Variants in NBEA observed in about 807,000 individuals in gnomAD.
NBEA encodes the protein neurobeachin, also known as lysosomal-trafficking regulator 2.
A neutral mutation model predicts 343.4 loss-of-function variants in NBEA; 44 were observed. That is an observed-to-expected ratio of 0.13 (90% confidence interval 0.10 to 0.16). The LOEUF is 0.16. Among genes scored for constraint, NBEA ranks in the 10% least tolerant of loss-of-function variants. NBEA has a pLI of 1.00. For missense variants in NBEA, 2,555 were observed against 3,631.3 expected, an observed-to-expected ratio of 0.70 and a Z score of 7.62; for synonymous variants, 1,175 against 1,238.7, an observed-to-expected ratio of 0.95 and a Z score of 1.08.
chr13:35,157,887 T>G (rs1273251313), intron 21 of NBEA, among the ~76,000 whole-genome samples: 2 of 152,098 alleles, frequency 1.3e-5, no homozygotes, highest in East Asian at 3.8e-4. Flanking sequence ...TGGCTTTTAA[T>G]TTAGTCTGTG....
chr13:34,992,652 T>G (rs1243809923), intron 1 of NBEA, among the ~76,000 whole-genome samples: 1 of 151,598 alleles, frequency 6.6e-6, no homozygotes, highest in Non-Finnish European at 1.5e-5. Flanking sequence ...TTTTTTAAGG[T>G]AAAGGCTAGA....
intron 1 of NBEA, among the ~76,000 whole-genome samples, chr13:35,011,959 A>G (rs1044487809): frequency 2.6e-5 from 4 of 152,222 alleles, no homozygotes; most frequent in Non-Finnish European, 4.4e-5. Context: ...CTTGTCATTT[A>G]TATCTGTTTA....
chr13:35,520,554 G>T (rs1300501748), intron 41 of NBEA, among the ~76,000 whole-genome samples: 1 of 152,134 alleles, frequency 6.6e-6, no homozygotes, highest in Non-Finnish European at 1.5e-5. Context: ...AGTATCCAGG[G>T]TTACAGGAGC....
intron 6 of NBEA, among the ~76,000 whole-genome samples, chr13:35,050,726 A>T (rs116955462): frequency 0.011 from 1,669 of 152,012 alleles, 13 homozygotes; most frequent in Non-Finnish European, 0.018. Flanking sequence ...GCCTTTTTTT[A>T]AAAAAGTTAA....
chr13:35,353,272 C>T (rs926431106), intron 38 of NBEA, among the ~76,000 whole-genome samples: 6 of 152,112 alleles, frequency 3.9e-5, no homozygotes, highest in African/African-American at 1.4e-4. Context: ...TCCATCTCTA[C>T]TAAAACACAA....
rs865884570 is a variant in NBEA, at chr13:35,546,645, C to T, written c.6586-3832C>T. On this transcript the variant is annotated intron_variant, in intron 41 of 58. Coordinates refer to ENST00000379939, the MANE Select transcript of NBEA (RefSeq NM_001385012.1). ...TCGGCTCACTACAACCTCTGCCTCC[C>T]GGATTCAAGCAATTCTCCTGCCGCA... is the stretch of plus-strand genomic sequence containing the variant. Among the ~76,000 whole-genome samples, 95 of 151,766 alleles carry T rather than the reference C, an allele frequency of 6.3e-4. 1 individual carries two copies. The highest frequency in any genetic ancestry group is 4.2e-3 in the South Asian group (20 of 4,788).
In NBEA at chr13:34,989,434, G is replaced by C. The variant is rs575890987; in HGVS notation, c.294+46320G>C. Among the ~76,000 whole-genome samples the C allele has an allele frequency of 6.0e-5, 9 of 151,088 alleles. No individual in the cohort carries two copies. The East Asian group carries it at 1.3e-3, about 23-fold the overall frequency. On this transcript the variant is annotated intron_variant, in intron 1 of 58. Coordinates refer to ENST00000379939, the MANE Select transcript of NBEA (RefSeq NM_001385012.1). Reference sequence around the variant, plus strand: ...TACAATCATGGCAGAAGGTGAAGGGGAAACAGACACATCTTCACATGGTGG... The same window carrying C: ...TACAATCATGGCAGAAGGTGAAGGGCAAACAGACACATCTTCACATGGTGG...
intron 53 of NBEA, among the ~76,000 whole-genome samples, chr13:35,652,699 T>TC (rs2084605043): frequency 8.5e-6 from 1 of 117,944 alleles, no homozygotes. Flanking sequence ...TTTTTTTTTT[T>TC]TTTTTTTTTT....
At chr13:35,090,061 A>AAAATACATAAATAAAT (rs2065000089) in intron 10 of NBEA, among the ~76,000 whole-genome samples, 1 of 145,106 alleles carries the variant, frequency 6.9e-6, no homozygotes, top group Non-Finnish European at 1.5e-5. Flanking sequence ...AAAGTATAAT[A>AAAATACATAAATAAAT]AAATAAATAA....
chr13:35,618,533 C>T (rs1260940926), intron 48 of NBEA, among the ~76,000 whole-genome samples: 1 of 152,162 alleles, frequency 6.6e-6, no homozygotes, highest in Admixed American at 6.5e-5. Context: ...TTATGTTTCG[C>T]TGTGAAATAC....
At chr13:35,179,704 G>T in intron 28 of NBEA, 1 of 876,142 alleles carries the variant, frequency 1.1e-6, no homozygotes, top group Non-Finnish European at 1.4e-6. Flanking sequence ...AATGCCTTCT[G>T]ATTGCCTGGT....
At chr13:35,371,406 T>C (rs1196664458) in intron 38 of NBEA, among the ~76,000 whole-genome samples, 3 of 152,044 alleles carry the variant, frequency 2.0e-5, no homozygotes, top group Non-Finnish European at 4.4e-5. Context: ...TGTTGAAGCT[T>C]TCTAATGTAT....
intron 33 of NBEA, among the ~76,000 whole-genome samples, chr13:35,211,398 G>A (rs970013659): frequency 2.0e-5 from 3 of 152,136 alleles, no homozygotes; most frequent in Middle Eastern, 3.2e-3. Context: ...GTTCACTGTC[G>A]TATAGTGTAT....
At chr13:35,084,302 C>T (rs897779442) in intron 10 of NBEA, among the ~76,000 whole-genome samples, 1 of 152,120 alleles carries the variant, frequency 6.6e-6, no homozygotes, top group African/African-American at 2.4e-5. Flanking sequence ...CACACCTATT[C>T]CAAAATTGAC....
chr13:35,497,223 G>C (rs2076715109), intron 41 of NBEA, among the ~76,000 whole-genome samples: 1 of 152,036 alleles, frequency 6.6e-6, no homozygotes, highest in Non-Finnish European at 1.5e-5. Context: ...AGGAGAAATT[G>C]AGGAAGTGCT....
chr13:35,534,891 G>T (rs1470705281), intron 41 of NBEA, among the ~76,000 whole-genome samples: 1 of 152,068 alleles, frequency 6.6e-6, no homozygotes, highest in African/African-American at 2.4e-5. Context: ...ACTTGCTCAT[G>T]ATATTCAAAT....
Position 34,942,999 on chromosome 13 carries a change from T to TGATTAACCCTTCGGTGCC in NBEA, c.183_200dup (p.Asn62_Ile67dup), listed in dbSNP as rs1345842436. 6.2e-7 allele frequency: 1 copy of TGATTAACCCTTCGGTGCC among 1,611,260 alleles called. No individual in the cohort carries two copies. The highest frequency in any genetic ancestry group is 8.5e-7 in the Non-Finnish European group (1 of 1,178,862). On this transcript the variant is annotated inframe_insertion, in exon 1 of 59. Transcript: ENST00000379939. ...GGCTCGGTGATGCTCCCCGCGGGGA[T>TGATTAACCCTTCGGTGCC]GATTAACCCTTCGGTGCCGATCCGC...
At chr13:35,437,969 C>T (rs2045532044) in intron 39 of NBEA, among the ~76,000 whole-genome samples, 1 of 151,962 alleles carries the variant, frequency 6.6e-6, no homozygotes, top group Non-Finnish European at 1.5e-5. Context: ...TTATTTAGGC[C>T]TCTGTTGCCC....
At chr13:35,282,272 T>A (rs937382482) in intron 34 of NBEA, among the ~76,000 whole-genome samples, 14 of 152,136 alleles carry the variant, frequency 9.2e-5, no homozygotes, top group Admixed American at 2.0e-4. Context: ...ATGTAACTAC[T>A]TGTGTAATGT....
Sources: gnomAD v4.1 joint callset for allele counts (sites outside exome capture counted in the v4.1 genomes callset) on GRCh38, gnomAD v4.1.1 for gene constraint, MANE v1.5 for transcripts, NCBI Gene and HGNC (gene_info 2026-07-23, HGNC 2026-07-21) for gene names.